The following PTPRD variants were observed in gnomAD, a reference collection of about 807,000 sequenced individuals.
The protein encoded by PTPRD is protein tyrosine phosphatase receptor type D.
PTPRD carries 34 observed loss-of-function variants against 214.5 expected under a neutral mutation model. That is an observed-to-expected ratio of 0.16 (90% CI 0.12 to 0.21). The LOEUF (loss-of-function observed/expected upper bound fraction) is 0.21, where lower values mean the gene tolerates loss of function less well. Ranked by LOEUF, PTPRD falls within the 10% of genes least tolerant of loss-of-function variation. PTPRD has a pLI of 1.00. For missense variants in PTPRD, 2,545 were observed against 2,398.7 expected, an observed-to-expected ratio of 1.06 and a Z score of -1.27; for synonymous variants, 1,128 against 845.7, an observed-to-expected ratio of 1.33 and a Z score of -5.79.
At chr9:10,473,155 A>G (rs2099041902) in intron 2 of PTPRD, among the ~76,000 whole-genome samples, 1 of 143,546 alleles carries the variant, frequency 7.0e-6, no homozygotes, top group African/African-American at 2.6e-5. Context: ...GATCCGACAC[A>G]TGTGGCCACA....
intron 7 of PTPRD, among the ~76,000 whole-genome samples, chr9:9,588,131 T>C (rs898212715): frequency 4.0e-5 from 6 of 151,802 alleles, no homozygotes; most frequent in African/African-American, 1.5e-4. Context: ...AACTATCATG[T>C]ATTAATAACA....
At chr9:10,568,960 G>T (rs558284269) in intron 2 of PTPRD, among the ~76,000 whole-genome samples, 240 of 152,116 alleles carry the variant, frequency 1.6e-3, no homozygotes, top group African/African-American at 5.6e-3. Flanking sequence ...CACAGCAAAA[G>T]AAACTACCAT....
At chr9:10,512,284 G>C (rs530785696) in intron 2 of PTPRD, among the ~76,000 whole-genome samples, 2 of 151,996 alleles carry the variant, frequency 1.3e-5, no homozygotes, top group East Asian at 3.9e-4. Flanking sequence ...ATAGGAAAGA[G>C]AGGGAGAGAG....
chr9:9,746,834 G>A (rs1219926663), intron 6 of PTPRD, among the ~76,000 whole-genome samples: 1 of 71,784 alleles, frequency 1.4e-5, no homozygotes, highest in Non-Finnish European at 3.0e-5. Flanking sequence ...TTTTTTTTTT[G>A]GCAGATGCAG....
chr9:9,848,998 C>A (rs925461148), intron 5 of PTPRD, among the ~76,000 whole-genome samples: 3 of 151,746 alleles, frequency 2.0e-5, no homozygotes, highest in African/African-American at 4.8e-5. Context: ...AATGTCTGAG[C>A]ACGTCCAGTT....
At chr9:10,178,217 G>GCC (rs1270493500) in intron 3 of PTPRD, among the ~76,000 whole-genome samples, 2 of 152,044 alleles carry the variant, frequency 1.3e-5, no homozygotes, top group East Asian at 3.9e-4. Flanking sequence ...GAAGGATTGT[G>GCC]CCAATGGAAA....
intron 2 of PTPRD, among the ~76,000 whole-genome samples, chr9:10,500,427 A>C (rs2043303518): frequency 6.6e-6 from 1 of 151,946 alleles, no homozygotes; most frequent in Admixed American, 6.6e-5. Flanking sequence ...ATTTTTGTGA[A>C]TACATAGTAG....
chr9:10,454,375 T>A (rs1260530181), intron 2 of PTPRD, among the ~76,000 whole-genome samples: 1 of 151,440 alleles, frequency 6.6e-6, no homozygotes, highest in African/African-American at 2.4e-5. Flanking sequence ...TGACAATACA[T>A]CTCCAGGATC....
intron 2 of PTPRD, among the ~76,000 whole-genome samples, chr9:10,597,823 G>T (rs2133213158): frequency 6.6e-6 from 1 of 151,938 alleles, no homozygotes; most frequent in African/African-American, 2.4e-5. Flanking sequence ...ACTTTCTAGT[G>T]AATAATTCTA....
rs574958485 is a variant in PTPRD at position 9,809,383 on chromosome 9, T to G, written c.-367-42532A>C. Among the ~76,000 whole-genome samples the G allele has an allele frequency of 1.1e-4, 16 of 146,744 alleles. No individual in the cohort carries two copies. In the East Asian group the frequency reaches 3.6e-3, roughly 33 times the overall value. ...CTTGGGTTCACACCATTCTCCCACC[T>G]CAGCCTCCCAAGTAGCTGGGACTAC... On this transcript the variant is annotated intron_variant, in intron 5 of 45. Coordinates refer to ENST00000381196, the MANE Select transcript of PTPRD (RefSeq NM_002839.4).
At chr9:9,051,480 G>A (rs1029297619) in intron 10 of PTPRD, among the ~76,000 whole-genome samples, 2 of 152,036 alleles carry the variant, frequency 1.3e-5, no homozygotes, top group African/African-American at 4.8e-5. Context: ...TCCAACCTTG[G>A]TGTCATTTAG....
chr9:9,530,668 A>G (rs1480602876), intron 8 of PTPRD, among the ~76,000 whole-genome samples: 1 of 152,184 alleles, frequency 6.6e-6, no homozygotes, highest in East Asian at 1.9e-4. Context: ...GTTGTGTGTC[A>G]CACACAATGA....
At chr9:9,393,119 T>A (rs1333681439) in intron 9 of PTPRD, among the ~76,000 whole-genome samples, 1 of 152,190 alleles carries the variant, frequency 6.6e-6, no homozygotes, top group African/African-American at 2.4e-5. Flanking sequence ...CTTCTATGTG[T>A]CCACGAACCT....
chr9:9,693,740 G>A (rs1036814168), intron 7 of PTPRD, among the ~76,000 whole-genome samples: 1 of 152,074 alleles, frequency 6.6e-6, no homozygotes, highest in African/African-American at 2.4e-5. Context: ...TTACCCTTTT[G>A]AGGATATTTT....
At chr9:8,934,849 T>G (rs1239175949) in intron 11 of PTPRD, among the ~76,000 whole-genome samples, 2 of 151,942 alleles carry the variant, frequency 1.3e-5, no homozygotes, top group East Asian at 1.9e-4. Flanking sequence ...CATACGTAAG[T>G]GAGATTAAGT....
chr9:9,210,449 A>G (rs2099947793), intron 9 of PTPRD, among the ~76,000 whole-genome samples: 1 of 152,206 alleles, frequency 6.6e-6, no homozygotes, highest in Admixed American at 6.5e-5. Context: ...GAAACATTTA[A>G]ATAATTTATT....
chr9:8,326,251 C>T (rs1436867795), intron 44 of PTPRD, among the ~76,000 whole-genome samples: 3 of 152,076 alleles, frequency 2.0e-5, no homozygotes, highest in Admixed American at 2.0e-4. Context: ...TCCATCAGTA[C>T]CTAGTTTTTT....
At chr9:9,692,167 G>T (rs1158769166) in intron 7 of PTPRD, among the ~76,000 whole-genome samples, 1 of 152,036 alleles carries the variant, frequency 6.6e-6, no homozygotes, top group Non-Finnish European at 1.5e-5. Flanking sequence ...GGTTGCCTAT[G>T]CTTGTGGGAT....
intron 3 of PTPRD, among the ~76,000 whole-genome samples, chr9:10,172,008 A>T (rs12552893): frequency 0.053 from 8,094 of 152,292 alleles, 306 homozygotes; most frequent in Admixed American, 0.1. Context: ...TTCCAGCCTC[A>T]TAAGAATTTA....
Sources: gnomAD v4.1 joint callset for allele counts (sites outside exome capture counted in the v4.1 genomes callset) on GRCh38, gnomAD v4.1.1 for gene constraint, MANE v1.5 for transcripts, NCBI Gene and HGNC (gene_info 2026-07-23, HGNC 2026-07-21) for gene names.